LDB2: variants seen among roughly 807,000 people sequenced by gnomAD.
LDB2 encodes the protein LIM domain-binding protein 2.
Under a neutral mutation model 44.3 loss-of-function variants are expected in LDB2, and 12 were observed. That is an observed-to-expected ratio of 0.27 (90% confidence interval 0.17 to 0.44). The LOEUF (loss-of-function observed/expected upper bound fraction) is 0.44. Among genes scored for constraint, LDB2 ranks in the 20% least tolerant of loss-of-function variants. The probability of loss-of-function intolerance (pLI) is 1.00; values close to 1 mark genes in which losing one functional copy is unlikely to be tolerated. For missense variants in LDB2, 344 were observed against 473.5 expected (o/e 0.73, Z 2.54); for synonymous variants, 164 against 174.8 (o/e 0.94, Z 0.49).
At chr4:16,819,096 GTGT>G (rs1438817108) in intron 1 of LDB2, among the ~76,000 whole-genome samples, 2 of 22,062 alleles carry the variant, frequency 9.1e-5, no homozygotes, top group Admixed American at 1.0e-3. Context: ...GGTTGCTTGT[GTGT>G]GTGTGTGTGT....
At chr4:16,651,819 A>G (rs994597993) in intron 2 of LDB2, among the ~76,000 whole-genome samples, 6 of 152,218 alleles carry the variant, frequency 3.9e-5, no homozygotes, top group African/African-American at 7.2e-5. Flanking sequence ...ATTAAAAAAT[A>G]TAAGCAAAAT....
intron 1 of LDB2, among the ~76,000 whole-genome samples, chr4:16,877,207 C>T (rs1718692192): frequency 1.3e-5 from 2 of 152,208 alleles, no homozygotes; most frequent in Admixed American, 1.3e-4. Context: ...AATACTCTGA[C>T]TTTCAACTGG....
chr4:16,723,941 A>C (rs1758871673), intron 2 of LDB2, among the ~76,000 whole-genome samples: 1 of 152,092 alleles, frequency 6.6e-6, no homozygotes, highest in African/African-American at 2.4e-5. Context: ...AATACGTTTG[A>C]ATAGAGCCAA....
intron 5 of LDB2, among the ~76,000 whole-genome samples, chr4:16,542,246 G>A (rs1734111815): frequency 6.6e-6 from 1 of 152,086 alleles, no homozygotes; most frequent in African/African-American, 2.4e-5. Flanking sequence ...ACTGATGAAG[G>A]CCCCAGCCCG....
chr4:16,715,805 A>G (rs1756958431), intron 2 of LDB2, among the ~76,000 whole-genome samples: 1 of 152,160 alleles, frequency 6.6e-6, no homozygotes, highest in South Asian at 2.1e-4. Flanking sequence ...ACCCACAAGA[A>G]GGAGTCAACC....
At chr4:16,757,069 C>A (rs1766814466) in intron 2 of LDB2, among the ~76,000 whole-genome samples, 1 of 152,134 alleles carries the variant, frequency 6.6e-6, no homozygotes. Context: ...GCTTCTAGCC[C>A]CAGGACAGCC....
chr4:16,688,424 C>CTT (rs2152576297), intron 2 of LDB2, among the ~76,000 whole-genome samples: 1 of 152,250 alleles, frequency 6.6e-6, no homozygotes, highest in African/African-American at 2.4e-5. Flanking sequence ...CACTGAGAGG[C>CTT]CAGCTTCGGC....
At chr4:16,549,390 T>C (rs753989585) in intron 5 of LDB2, among the ~76,000 whole-genome samples, 2 of 152,154 alleles carry the variant, frequency 1.3e-5, no homozygotes, top group South Asian at 2.1e-4. Flanking sequence ...AGTAGGAAAA[T>C]AGGAAGAGAC....
intron 5 of LDB2, among the ~76,000 whole-genome samples, chr4:16,550,300 C>A (rs1364831622): frequency 6.6e-6 from 1 of 152,176 alleles, no homozygotes; most frequent in African/African-American, 2.4e-5. Flanking sequence ...CCCAATAAAT[C>A]ATTGTGTTTT....
intron 1 of LDB2, among the ~76,000 whole-genome samples, chr4:16,822,966 C>G (rs796864597): frequency 1.4e-4 from 21 of 152,250 alleles, no homozygotes; most frequent in African/African-American, 5.1e-4. Flanking sequence ...CACAGCTGAT[C>G]AAATCAGTGA....
intron 1 of LDB2, among the ~76,000 whole-genome samples, chr4:16,851,025 G>T (rs1788130279): frequency 6.6e-6 from 1 of 150,806 alleles, no homozygotes; most frequent in Admixed American, 6.6e-5. Flanking sequence ...TAAGTGAGGG[G>T]AAAACTTGTT....
At chr4:16,504,917 C>T (rs903731715) in intron 7 of LDB2, among the ~76,000 whole-genome samples, 9 of 152,128 alleles carry the variant, frequency 5.9e-5, no homozygotes, top group African/African-American at 1.7e-4. Context: ...AAAACACATG[C>T]GTAAGGCGTC....
intron 2 of LDB2, among the ~76,000 whole-genome samples, chr4:16,712,848 C>T (rs1756219766): frequency 6.6e-6 from 1 of 152,178 alleles, no homozygotes; most frequent in African/African-American, 2.4e-5. Context: ...AATAATTCTA[C>T]TCTTAGATAT....
chr4:16,585,224 A>G (rs1577993099), intron 5 of LDB2, among the ~76,000 whole-genome samples: 1 of 152,076 alleles, frequency 6.6e-6, no homozygotes, highest in African/African-American at 2.4e-5. Context: ...GGCTGGGAGC[A>G]CCCGCCGTCC....
At chr4:16,850,608 C>T (rs1007964364) in intron 1 of LDB2, among the ~76,000 whole-genome samples, 1 of 152,152 alleles carries the variant, frequency 6.6e-6, no homozygotes, top group Non-Finnish European at 1.5e-5. Context: ...TCCAAAGTAA[C>T]CGTTTCCCTC....
chr4:16,505,088 T>C (rs781592085), intron 7 of LDB2, among the ~76,000 whole-genome samples: 4 of 152,056 alleles, frequency 2.6e-5, no homozygotes, highest in Non-Finnish European at 4.4e-5. Context: ...AAAGAAAAGC[T>C]CTCAACACTC....
chr4:16,717,199 G>GAGA (rs1207559648), intron 2 of LDB2, among the ~76,000 whole-genome samples: 3 of 150,558 alleles, frequency 2.0e-5, no homozygotes, highest in African/African-American at 7.4e-5. Flanking sequence ...TGATGATGAG[G>GAGA]AGGACTACAT....
At chr4:16,858,395 C>T (rs574473061) in intron 1 of LDB2, among the ~76,000 whole-genome samples, 163 of 152,316 alleles carry the variant, frequency 1.1e-3, no homozygotes, top group African/African-American at 3.8e-3. Flanking sequence ...ATTCCCCCTG[C>T]AACTAGACGA....
chr4:16,757,419 A>C (rs1237858749), intron 2 of LDB2, among the ~76,000 whole-genome samples: 2 of 152,156 alleles, frequency 1.3e-5, no homozygotes, highest in Non-Finnish European at 2.9e-5. Flanking sequence ...CTGTTCATGG[A>C]GATAAGATCT....
Sources: allele counts gnomAD v4.1 joint callset (sites outside exome capture counted in the v4.1 genomes callset), GRCh38; gene constraint gnomAD v4.1.1; transcripts MANE v1.5; gene names NCBI Gene and HGNC (gene_info 2026-07-23, HGNC 2026-07-21).